DENND1A: variants seen among roughly 807,000 people sequenced by gnomAD.
DENND1A encodes DENN domain containing 1A.
DENND1A carries 51 observed loss-of-function variants against 113.7 expected under a neutral mutation model. The ratio of observed to expected loss-of-function variants is 0.45; its 90% CI spans 0.36 to 0.57. The LOEUF (loss-of-function observed/expected upper bound fraction) is 0.57, where lower values mean the gene tolerates loss of function less well. DENND1A is among the 20% of genes least tolerant of loss of function. The pLI is 0.00. For synonymous variants in DENND1A, 565 were observed against 570.8 expected (o/e 0.99, Z 0.14); for missense variants, 1,258 against 1,395.9 (o/e 0.90, Z 1.57).
intron 18 of DENND1A, among the ~76,000 whole-genome samples, chr9:123,442,813 T>C (rs905961098): frequency 1.3e-5 from 2 of 152,230 alleles, no homozygotes; most frequent in Non-Finnish European, 1.5e-5. Flanking sequence ...TCAACCTCTC[T>C]GCACCTATTG....
intron 19 of DENND1A, among the ~76,000 whole-genome samples, chr9:123,425,118 T>C (rs2131914163): frequency 6.6e-6 from 1 of 152,320 alleles, no homozygotes; most frequent in East Asian, 1.9e-4. Context: ...ATCTCGCATG[T>C]GGTATATAAT....
intron 21 of DENND1A, among the ~76,000 whole-genome samples, chr9:123,391,658 C>T (rs2042849904): frequency 6.7e-6 from 1 of 149,378 alleles, no homozygotes; most frequent in Admixed American, 6.7e-5. Flanking sequence ...TTCAGCTGCC[C>T]ATGTTCTCCC....
At chr9:123,642,740 C>T (rs2062095524) in intron 9 of DENND1A, among the ~76,000 whole-genome samples, 1 of 152,112 alleles carries the variant, frequency 6.6e-6, no homozygotes, top group Admixed American at 6.5e-5. Flanking sequence ...GCAAAGAGGC[C>T]TTGGCTCTGC....
intron 5 of DENND1A, among the ~76,000 whole-genome samples, chr9:123,755,477 C>G (rs1242813811): frequency 6.7e-6 from 1 of 150,046 alleles, no homozygotes; most frequent in Non-Finnish European, 1.5e-5. Context: ...AAAGTTATAC[C>G]TTCCTCTCCT....
At chr9:123,732,169 A>G (rs1330684667) in intron 5 of DENND1A, among the ~76,000 whole-genome samples, 5 of 152,182 alleles carry the variant, frequency 3.3e-5, no homozygotes, top group African/African-American at 7.2e-5. Flanking sequence ...GGCAACATAC[A>G]CCCAGCAATT....
At chr9:123,467,744 G>A (rs2049075177) in intron 13 of DENND1A, among the ~76,000 whole-genome samples, 1 of 152,188 alleles carries the variant, frequency 6.6e-6, no homozygotes, top group African/African-American at 2.4e-5. Flanking sequence ...ATTAAGCCAA[G>A]CCTGGGGCCC....
intron 10 of DENND1A, 36 bp from the exon 11 acceptor site, chr9:123,609,517 T>C (rs753850967): frequency 4.4e-6 from 7 of 1,605,332 alleles, no homozygotes; most frequent in South Asian, 3.4e-5. Flanking sequence ...GCTGCTTTAA[T>C]GTCTGTTGCT....
chr9:123,459,084 G>T (rs2048349176), intron 13 of DENND1A, among the ~76,000 whole-genome samples: 1 of 152,182 alleles, frequency 6.6e-6, no homozygotes, highest in Non-Finnish European at 1.5e-5. Flanking sequence ...GGAGAGAATT[G>T]CTTGAACCTG....
chr9:123,877,040 T>G (rs1280526697), intron 2 of DENND1A, among the ~76,000 whole-genome samples: 1 of 152,054 alleles, frequency 6.6e-6, no homozygotes, highest in African/African-American at 2.4e-5. Flanking sequence ...CACTGGAGAC[T>G]CAGAAGGGTG....
chr9:123,825,844 T>C (rs1251068386), intron 2 of DENND1A, among the ~76,000 whole-genome samples: 1 of 152,250 alleles, frequency 6.6e-6, no homozygotes, highest in East Asian at 1.9e-4. Context: ...TACAGTGCCC[T>C]TCTCTGTGAA....
chr9:123,419,359 T>C (rs1027619549), intron 19 of DENND1A, among the ~76,000 whole-genome samples: 4 of 152,216 alleles, frequency 2.6e-5, no homozygotes, highest in Admixed American at 1.3e-4. Flanking sequence ...CTGCCTCAAA[T>C]GGAGGAGGCC....
chr9:123,749,546 T>C (rs1174109341), intron 5 of DENND1A, among the ~76,000 whole-genome samples: 2 of 152,218 alleles, frequency 1.3e-5, no homozygotes, highest in African/African-American at 4.8e-5. Flanking sequence ...GATAATTTCA[T>C]AAGATTGCTA....
At chr9:123,686,645 T>C (rs1004609552) in intron 5 of DENND1A, among the ~76,000 whole-genome samples, 1 of 152,202 alleles carries the variant, frequency 6.6e-6, no homozygotes, top group Non-Finnish European at 1.5e-5. Context: ...ATTTAAAATG[T>C]TTTAATCAAA....
chr9:123,568,409 T>C (rs930937043), intron 12 of DENND1A, among the ~76,000 whole-genome samples: 2 of 152,228 alleles, frequency 1.3e-5, no homozygotes, highest in East Asian at 3.8e-4. Context: ...TGGCACACTG[T>C]AGGGGCCTAA....
At chr9:123,770,400 A>G (rs565263662) in intron 3 of DENND1A, among the ~76,000 whole-genome samples, 1 of 152,324 alleles carries the variant, frequency 6.6e-6, no homozygotes, top group African/African-American at 2.4e-5. Context: ...ACAGAAAAAA[A>G]CAGTACATGA....
chr9:123,886,754 A>G (rs1209673958), intron 1 of DENND1A, among the ~76,000 whole-genome samples: 1 of 152,230 alleles, frequency 6.6e-6, no homozygotes. Context: ...TTTCTAGCCC[A>G]TAACAAGTTA....
chr9:123,526,171 G>GCGCA (rs2054824179), intron 13 of DENND1A, among the ~76,000 whole-genome samples: 1 of 150,700 alleles, frequency 6.6e-6, no homozygotes. Flanking sequence ...CTGCACATGT[G>GCGCA]CACACACACA....
Position 123,710,560 on chromosome 9 carries a change from C to CACACACAT in DENND1A, c.303-33772_303-33771insATGTGTGT, listed in dbSNP as rs60092060. On this transcript the variant is annotated intron_variant, in intron 5 of 23. Coordinates refer to ENST00000394215, the MANE Select transcript of DENND1A (RefSeq NM_001352964.2). ...ACACACACACACACACACACACACACTGGCATCATACAAATTTGCTTTGAG... is the reference window on the plus strand; with the variant it reads ...ACACACACACACACACACACACACACACACACATTGGCATCATACAAATTTGCTTTGAG... 2.3e-3 allele frequency among the ~76,000 whole-genome samples: 349 copies of CACACACAT among 148,976 alleles called. 19 individuals carry two copies. Among genetic ancestry groups the CACACACAT allele is most frequent in the African/African-American group, 8.4e-3 (332 of 39,718 alleles).
In DENND1A at chr9:123,475,672, G is replaced by A. The variant is rs564989944; in HGVS notation, c.994-17775C>T. On this transcript the variant is annotated intron_variant, in intron 13 of 23. Transcript: ENST00000394215. ...TGGGGGTTCCCGCTGCTGCACACTC[G>A]CCTGCCATCGCAGGTGTGGGGAAGG... Among the ~76,000 whole-genome samples the A allele has an allele frequency of 3.9e-5, 6 of 152,354 alleles. No homozygotes were observed. In the East Asian group the frequency reaches 7.7e-4, roughly 20 times the overall value.
Sources: allele counts gnomAD v4.1 joint callset (sites outside exome capture counted in the v4.1 genomes callset), GRCh38; gene constraint gnomAD v4.1.1; transcripts MANE v1.5; gene names NCBI Gene and HGNC (gene_info 2026-07-23, HGNC 2026-07-21).